WWOX: variants seen among roughly 807,000 people sequenced by gnomAD.
WWOX encodes the protein WW domain-containing oxidoreductase.
Under a neutral mutation model 46.2 loss-of-function variants are expected in WWOX, and 69 were observed. That is an observed-to-expected ratio of 1.49 (90% CI 1.23 to 1.82). WWOX has a LOEUF of 1.82. WWOX is among the 40% of genes most tolerant of loss of function. The probability of loss-of-function intolerance (pLI) is 0.00; values close to 1 mark genes in which losing one functional copy is unlikely to be tolerated. For synonymous variants in WWOX, 359 were observed against 202.6 expected (o/e 1.77, Z -6.56); for missense variants, 919 against 542.6 (o/e 1.69, Z -6.89).
At chr16:78,278,813 C>G in intron 5 of WWOX, 2 of 711,412 alleles carry the variant, frequency 2.8e-6, no homozygotes, top group South Asian at 3.8e-5. Flanking sequence ...TAATTTATAC[C>G]TTTATCAGTT....
chr16:78,345,192 C>T (rs904133506), intron 5 of WWOX, among the ~76,000 whole-genome samples: 1 of 117,446 alleles, frequency 8.5e-6, no homozygotes, highest in Non-Finnish European at 2.0e-5. Flanking sequence ...GTGCAGGCCT[C>T]AGAACTGCAG....
At chr16:78,408,071 C>G (rs915810802) in intron 6 of WWOX, among the ~76,000 whole-genome samples, 5 of 152,082 alleles carry the variant, frequency 3.3e-5, no homozygotes, top group Non-Finnish European at 7.3e-5. Flanking sequence ...CAGCCAAATG[C>G]CTAGGTAGAT....
chr16:78,798,951 C>T (rs1010415950), intron 8 of WWOX, among the ~76,000 whole-genome samples: 5 of 151,998 alleles, frequency 3.3e-5, no homozygotes, highest in Non-Finnish European at 4.4e-5. Context: ...TTGTTGGGGC[C>T]GGTGGTGCCT....
intron 8 of WWOX, among the ~76,000 whole-genome samples, chr16:78,882,264 T>G (rs2044358535): frequency 1.3e-5 from 2 of 152,204 alleles, no homozygotes; most frequent in Non-Finnish European, 2.9e-5. Flanking sequence ...TCTTTGACAA[T>G]TATACCTAGG....
At chr16:78,145,262 G>A (rs1256016845) in intron 4 of WWOX, among the ~76,000 whole-genome samples, 1 of 152,070 alleles carries the variant, frequency 6.6e-6, no homozygotes, top group East Asian at 1.9e-4. Flanking sequence ...GTTTATTAAG[G>A]AGTATTGACT....
At chr16:78,999,337 G>T (rs1036001019) in intron 8 of WWOX, among the ~76,000 whole-genome samples, 1 of 152,078 alleles carries the variant, frequency 6.6e-6, no homozygotes, top group Non-Finnish European at 1.5e-5. Flanking sequence ...AGGCGTAGTG[G>T]CACATGCCTG....
chr16:79,111,769 C>G (rs1354880660), intron 8 of WWOX, among the ~76,000 whole-genome samples: 6 of 152,078 alleles, frequency 3.9e-5, no homozygotes, highest in African/African-American at 1.4e-4. Flanking sequence ...GAATTTCATC[C>G]AAAGAACAAT....
At position 78,637,557 on chromosome 16, in the gene WWOX, G is replaced by A. The variant is rs180981346; in HGVS notation, c.1056+204805G>A. 2.8e-3 allele frequency among the ~76,000 whole-genome samples: 432 copies of A among 152,220 alleles called. 2 individuals carry two copies. The highest frequency in any genetic ancestry group is 9.9e-3 in the African/African-American group (413 of 41,530). On this transcript the variant is annotated intron_variant, in intron 8 of 8. Transcript: ENST00000566780. ...GTGGTCCACCTGACATTGGAAATTC[G>A]GTTGCTTTGGAACCTTCTACTACAT... is the stretch of plus-strand genomic sequence containing the variant.
At chr16:78,386,683 C>G (rs539383782) in intron 5 of WWOX, among the ~76,000 whole-genome samples, 177 bp from the exon 6 acceptor site, 1 of 150,538 alleles carries the variant, frequency 6.6e-6, no homozygotes, top group Non-Finnish European at 1.5e-5. Flanking sequence ...ACATCCTCCC[C>G]GAACTTGGCA....
intron 5 of WWOX, among the ~76,000 whole-genome samples, chr16:78,315,057 C>T (rs1386691072): frequency 6.6e-6 from 1 of 152,180 alleles, no homozygotes; most frequent in African/African-American, 2.4e-5. Context: ...CACCATCTAT[C>T]AATCATCTAT....
At chr16:79,041,564 A>T (rs1169739561) in intron 8 of WWOX, among the ~76,000 whole-genome samples, 2 of 152,154 alleles carry the variant, frequency 1.3e-5, no homozygotes, top group Non-Finnish European at 2.9e-5. Context: ...GGCTGAGCCT[A>T]TGACGGGTGA....
intron 8 of WWOX, among the ~76,000 whole-genome samples, chr16:78,753,244 G>T (rs955055360): frequency 6.6e-6 from 1 of 151,858 alleles, no homozygotes; most frequent in Non-Finnish European, 1.5e-5. Context: ...AGCTTGCAGT[G>T]AGCCGAGATT....
At chr16:78,805,035 C>G (rs2050992784) in intron 8 of WWOX, among the ~76,000 whole-genome samples, 1 of 152,218 alleles carries the variant, frequency 6.6e-6, no homozygotes, top group African/African-American at 2.4e-5. Context: ...GCCCCTTTCT[C>G]CTGATATTTG....
chr16:79,198,085 G>C (rs1032987012), intron 8 of WWOX, among the ~76,000 whole-genome samples: 3 of 152,126 alleles, frequency 2.0e-5, no homozygotes, highest in Non-Finnish European at 4.4e-5. Context: ...AGCACTTGGG[G>C]AGGCCAAGAC....
chr16:78,672,804 A>G (rs2047498835), intron 8 of WWOX, among the ~76,000 whole-genome samples: 1 of 152,234 alleles, frequency 6.6e-6, no homozygotes, highest in Non-Finnish European at 1.5e-5. Flanking sequence ...TTCCAATGAT[A>G]ACAGCCATCT....
intron 8 of WWOX, among the ~76,000 whole-genome samples, chr16:78,482,821 A>C (rs971498491): frequency 2.0e-5 from 3 of 152,170 alleles, no homozygotes; most frequent in Non-Finnish European, 2.9e-5. Flanking sequence ...CTTGGGAAGG[A>C]TCTATCTCAC....
chr16:79,189,672 C>G (rs1244354519), intron 8 of WWOX, among the ~76,000 whole-genome samples: 1 of 151,870 alleles, frequency 6.6e-6, no homozygotes, highest in Non-Finnish European at 1.5e-5. Flanking sequence ...TTGAGGTTAT[C>G]TTTTGACAAT....
intron 8 of WWOX, among the ~76,000 whole-genome samples, chr16:78,919,865 A>C (rs2045338178): frequency 6.6e-6 from 1 of 152,178 alleles, no homozygotes; most frequent in Admixed American, 6.5e-5. Context: ...GTGTGTGCCA[A>C]AGCGTCTGCA....
At chr16:79,177,054 T>C (rs2050814150) in intron 8 of WWOX, among the ~76,000 whole-genome samples, 1 of 152,210 alleles carries the variant, frequency 6.6e-6, no homozygotes, top group South Asian at 2.1e-4. Context: ...ATTGCATTCA[T>C]GGGATCACCT....
Sources: gnomAD v4.1 joint callset for allele counts (sites outside exome capture counted in the v4.1 genomes callset) on GRCh38, gnomAD v4.1.1 for gene constraint, MANE v1.5 for transcripts, NCBI Gene and HGNC (gene_info 2026-07-23, HGNC 2026-07-21) for gene names.